Variants in SLC45A4 observed in about 807,000 individuals in gnomAD.
SLC45A4 encodes polyamine-transporter SLC45A4.
A neutral mutation model predicts 63.7 loss-of-function variants in SLC45A4; 32 were observed. The ratio of observed to expected loss-of-function variants is 0.50; its 90% confidence interval spans 0.38 to 0.67. SLC45A4 has a LOEUF of 0.67. Among genes scored for constraint, SLC45A4 ranks in the 30% least tolerant of loss-of-function variants. The pLI is 0.00. For missense variants in SLC45A4, 1,027 were observed against 1,157.7 expected, an observed-to-expected ratio of 0.89 and a Z score of 1.64; for synonymous variants, 535 against 510.0, an observed-to-expected ratio of 1.05 and a Z score of -0.66.
rs148845895 is a variant in SLC45A4 at position 141,274,247 on chromosome 8, G to A, written c.-400-19618C>T. On this transcript the variant is annotated intron_variant, in intron 1 of 8. Transcript: ENST00000517878. ...CAGTCTCAAACAAACAAAATGTAAA[G>A]TTTGGGCCAGGTGTGGTAGCTCACG... is the stretch of plus-strand genomic sequence containing the variant. Among the ~76,000 whole-genome samples, 637 of 151,134 alleles carry A rather than the reference G, an allele frequency of 4.2e-3. 2 individuals carry two copies. The highest frequency in any genetic ancestry group is 0.021 in the South Asian group (102 of 4,774).
At chr8:141,276,821 C>T (rs1589843069) in intron 1 of SLC45A4, among the ~76,000 whole-genome samples, 3 of 152,246 alleles carry the variant, frequency 2.0e-5, no homozygotes, top group Admixed American at 2.0e-4. Context: ...TAGTTTACAG[C>T]ATCCTCCCTG....
At chr8:141,230,894 C>A (rs538456016) in intron 2 of SLC45A4, among the ~76,000 whole-genome samples, 30 of 152,328 alleles carry the variant, frequency 2.0e-4, no homozygotes, top group African/African-American at 5.8e-4. Context: ...CGGAACCAGG[C>A]CTGCCCCACC....
chr8:141,238,452 C>A (rs1265827618), intron 2 of SLC45A4, among the ~76,000 whole-genome samples: 1 of 152,194 alleles, frequency 6.6e-6, no homozygotes, highest in Non-Finnish European at 1.5e-5. Context: ...GAAACTCTGT[C>A]CCCACAAAAC....
At chr8:141,217,461 T>A (rs1345163920) in intron 5 of SLC45A4, among the ~76,000 whole-genome samples, 1 of 152,230 alleles carries the variant, frequency 6.6e-6, no homozygotes, top group Non-Finnish European at 1.5e-5. Flanking sequence ...TGGGCTGGTC[T>A]GGACTTGCAG....
intron 1 of SLC45A4, among the ~76,000 whole-genome samples, chr8:141,285,530 C>T (rs1211263787): frequency 1.3e-5 from 2 of 152,232 alleles, no homozygotes; most frequent in African/African-American, 2.4e-5. Flanking sequence ...AAACCGCACA[C>T]GAGCAGTCAG....
chr8:141,209,791 G>A lies in SLC45A4; in HGVS notation c.*1781C>T, dbSNP rs1208942393. 3 of 152,232 alleles carry A rather than the reference G, an allele frequency of 2.0e-5. No homozygotes were observed. Among genetic ancestry groups the A allele is most frequent in the Non-Finnish European group, 4.4e-5 (3 of 68,044 alleles). 9.4% of individuals were successfully genotyped at this position (152,232 alleles called of 1,614,324 possible). The stretch of plus-strand genomic sequence containing the variant: ...TTGTTGTCCTTACTTCAGATTAGTC[G>A]AGGCTGGGATCTCAAGGGTTAACAC... On this transcript the variant is annotated 3_prime_UTR_variant, in exon 9 of 9. Coordinates refer to ENST00000517878, the MANE Select transcript of SLC45A4 (RefSeq NM_001286646.2).
At chr8:141,258,514 C>T (rs1828909059) in intron 1 of SLC45A4, among the ~76,000 whole-genome samples, 1 of 152,228 alleles carries the variant, frequency 6.6e-6, no homozygotes, top group Admixed American at 6.5e-5. Context: ...GGACTCCAAC[C>T]TTGGGGCCAC....
chr8:141,282,668 G>C (rs1829998408), intron 1 of SLC45A4, among the ~76,000 whole-genome samples: 1 of 152,252 alleles, frequency 6.6e-6, no homozygotes, highest in South Asian at 2.1e-4. Flanking sequence ...CAACGTCCAA[G>C]GCCTGGGCTA....
At chr8:141,288,040 G>A (rs1480618228) in intron 1 of SLC45A4, among the ~76,000 whole-genome samples, 1 of 152,164 alleles carries the variant, frequency 6.6e-6, no homozygotes, top group Non-Finnish European at 1.5e-5. Context: ...CCTTTTTGGT[G>A]GTGGCTCACA....
intron 2 of SLC45A4, among the ~76,000 whole-genome samples, chr8:141,249,795 G>GT (rs1828382566): frequency 6.6e-6 from 1 of 152,204 alleles, no homozygotes; most frequent in Non-Finnish European, 1.5e-5. Flanking sequence ...CGTTGCCCTT[G>GT]TAAGTGTCAT....
chr8:141,279,876 T>C (rs7008980), intron 1 of SLC45A4, among the ~76,000 whole-genome samples: 11,433 of 152,302 alleles, frequency 0.075, 850 homozygotes, highest in East Asian at 0.42. Flanking sequence ...ATTAATAAAG[T>C]TCCCCCCAAA....
intron 1 of SLC45A4, among the ~76,000 whole-genome samples, chr8:141,264,465 C>T (rs1589830407): frequency 6.6e-6 from 1 of 152,252 alleles, no homozygotes; most frequent in African/African-American, 2.4e-5. Flanking sequence ...AGGGGAGGGT[C>T]CTGATGTTGC....
At chr8:141,282,313 C>T (rs1354949347) in intron 1 of SLC45A4, among the ~76,000 whole-genome samples, 1 of 152,204 alleles carries the variant, frequency 6.6e-6, no homozygotes, top group East Asian at 1.9e-4. Flanking sequence ...CCAGGTGGCC[C>T]CACGATGGAG....
At position 141,276,676 on chromosome 8, in the gene SLC45A4, C is replaced by T. The variant is rs923291169; in HGVS notation, c.-400-22047G>A. Reference sequence around the variant, plus strand: ...CTCACAGGTATCCATGAGTCAGCCCCAACTACAAGGCACTGAGCCTACCAG... The same window carrying T: ...CTCACAGGTATCCATGAGTCAGCCCTAACTACAAGGCACTGAGCCTACCAG... On this transcript the variant is annotated intron_variant, in intron 1 of 8. Transcript: ENST00000517878. Among the ~76,000 whole-genome samples the T allele has an allele frequency of 5.3e-5, 8 of 152,320 alleles. No homozygotes were observed. In the East Asian group the frequency reaches 1.2e-3, roughly 22 times the overall value.
rs368211710 is a variant in SLC45A4, at chr8:141,218,586, C to A, written c.1054G>T (p.Ala352Ser). Residue 352 changes from alanine to serine, a missense_variant, in exon 5 of 9, where the codon GCC (alanine) becomes TCC (serine). By Grantham distance (99) the Ala-to-Ser change is moderately conservative (BLOSUM62 1). Coordinates refer to ENST00000517878, the MANE Select transcript of SLC45A4 (RefSeq NM_001286646.2). ...ATPRSTSQELAKTKLPRLATF... is the reference protein window; with the variant it reads ...ATPRSTSQELSKTKLPRLATF... The stretch of plus-strand genomic sequence containing the variant: ...GCCAGGCGGGGCAGCTTGGTCTTGG[C>A]GAGCTCCTGGCTGGTGCTGCGGGGG... 77 of 1,613,302 alleles carry A rather than the reference C, an allele frequency of 4.8e-5. No individual in the cohort carries two copies. The highest frequency in any genetic ancestry group is 6.7e-5 in the Admixed American group (4 of 60,008).
intron 2 of SLC45A4, among the ~76,000 whole-genome samples, chr8:141,244,309 G>A (rs1453155184): frequency 6.6e-6 from 1 of 152,202 alleles, no homozygotes; most frequent in Non-Finnish European, 1.5e-5. Context: ...AGGCAGAGTA[G>A]CCTCCAGCCT....
At chr8:141,297,797 G>A (rs994936837) in intron 1 of SLC45A4, among the ~76,000 whole-genome samples, 2 of 152,170 alleles carry the variant, frequency 1.3e-5, no homozygotes, top group East Asian at 3.9e-4. Flanking sequence ...TAGTTCACTT[G>A]TTGAAAAAAA....
intron 2 of SLC45A4, among the ~76,000 whole-genome samples, chr8:141,248,307 C>G (rs114293305): frequency 6.6e-6 from 1 of 152,194 alleles, no homozygotes; most frequent in African/African-American, 2.4e-5. Flanking sequence ...CAGTGGCTCA[C>G]GCCTATAGCC....
At chr8:141,296,598 G>C (rs2075993192) in intron 1 of SLC45A4, among the ~76,000 whole-genome samples, 1 of 150,514 alleles carries the variant, frequency 6.6e-6, no homozygotes, top group South Asian at 2.1e-4. Context: ...CACTTTGGGA[G>C]GCTGGGGTGG....
Sources: gnomAD v4.1 joint callset for allele counts (sites outside exome capture counted in the v4.1 genomes callset) on GRCh38, gnomAD v4.1.1 for gene constraint, MANE v1.5 for transcripts, NCBI Gene and HGNC (gene_info 2026-07-23, HGNC 2026-07-21) for gene names.